The following CSMD1 variants were observed in gnomAD, a reference collection of about 807,000 sequenced individuals.
CSMD1 encodes the protein CUB and Sushi multiple domains 1, also known as CUB and sushi domain-containing protein 1.
CSMD1 carries 213 observed loss-of-function variants against 417.5 expected under a neutral mutation model. That is an observed-to-expected ratio of 0.51 (90% CI 0.46 to 0.57). The LOEUF is 0.57. Ranked by LOEUF, CSMD1 falls within the 20% of genes least tolerant of loss-of-function variation. CSMD1 has a pLI of 0.00. For synonymous variants in CSMD1, 2,862 were observed against 1,736.8 expected (o/e 1.65, Z -16.11); for missense variants, 6,923 against 4,529.7 (o/e 1.53, Z -15.17).
chr8:3,401,187 G>C (rs978254503), intron 15 of CSMD1, among the ~76,000 whole-genome samples: 4 of 151,794 alleles, frequency 2.6e-5, no homozygotes, highest in African/African-American at 4.8e-5. Context: ...ATATAAGAAA[G>C]ACATATGGCA....
intron 11 of CSMD1, 98 bp downstream of exon 11, chr8:3,493,525 C>T: frequency 9.9e-7 from 1 of 1,007,286 alleles, no homozygotes; most frequent in East Asian, 2.6e-5. Context: ...AAGCAAACAC[C>T]TGAGGCCGAA....
intron 3 of CSMD1, among the ~76,000 whole-genome samples, chr8:4,233,652 G>C (rs1034887172): frequency 1.3e-5 from 2 of 152,162 alleles, no homozygotes; most frequent in Non-Finnish European, 1.5e-5. Flanking sequence ...AGATCTGTGA[G>C]AAGCAAATTT....
intron 3 of CSMD1, among the ~76,000 whole-genome samples, chr8:4,389,664 C>T (rs1003681513): frequency 6.6e-6 from 1 of 152,106 alleles, no homozygotes; most frequent in African/African-American, 2.4e-5. Context: ...CTAAACTCCA[C>T]CTTTATTTTT....
At chr8:4,353,047 T>G (rs541177731) in intron 3 of CSMD1, among the ~76,000 whole-genome samples, 30 of 152,332 alleles carry the variant, frequency 2.0e-4, no homozygotes, top group Admixed American at 2.0e-3. Context: ...TATATTAGAT[T>G]GTAGAAAGAG....
At chr8:3,284,858 T>C (rs140977028) in intron 25 of CSMD1, among the ~76,000 whole-genome samples, 3 of 152,318 alleles carry the variant, frequency 2.0e-5, no homozygotes, top group East Asian at 3.9e-4. Context: ...TGTACTTCTT[T>C]CTAAAAATTA....
chr8:4,464,586 T>C (rs1160884409), intron 2 of CSMD1, among the ~76,000 whole-genome samples: 2 of 152,186 alleles, frequency 1.3e-5, no homozygotes, highest in African/African-American at 4.8e-5. Context: ...GGGTGGTTTC[T>C]ACTGAACGTG....
chr8:4,265,735 A>G lies in CSMD1; in HGVS notation c.415+154218T>C, dbSNP rs1460512569. Reference sequence around the variant, plus strand: ...TAGGAAACAGTTAATGCAACATAAAATGTTTGAAAACTTTAAATAGAGCAA... The same window carrying G: ...TAGGAAACAGTTAATGCAACATAAAGTGTTTGAAAACTTTAAATAGAGCAA... On this transcript the variant is annotated intron_variant, in intron 3 of 69. Transcript: ENST00000635120. Among the ~76,000 whole-genome samples, 2 of 104,864 alleles carry G rather than the reference A, an allele frequency of 1.9e-5. 1 individual carries two copies. The allele number at this position is 104,864 out of a possible 152,430, so 68.8% of individuals were successfully genotyped here. A position where few individuals can be genotyped will look rare whatever the true frequency, so the allele number is the denominator to read the frequency against.
At chr8:4,818,635 A>G (rs1027131552) in intron 1 of CSMD1, among the ~76,000 whole-genome samples, 1 of 152,300 alleles carries the variant, frequency 6.6e-6, no homozygotes. Flanking sequence ...TGCCAGTAAA[A>G]GGAAATAATA....
chr8:3,878,163 A>G (rs1416797716), intron 5 of CSMD1, among the ~76,000 whole-genome samples: 2 of 152,112 alleles, frequency 1.3e-5, no homozygotes, highest in African/African-American at 4.8e-5. Flanking sequence ...TTTTTGCACG[A>G]GAGATTCAAA....
chr8:3,138,909 G>C (rs1261113488), intron 41 of CSMD1, among the ~76,000 whole-genome samples: 1 of 152,158 alleles, frequency 6.6e-6, no homozygotes, highest in Admixed American at 6.5e-5. Context: ...TCTGCCTTTT[G>C]GAAAGAAGAG....
At chr8:3,558,955 G>A (rs77654368) in intron 10 of CSMD1, among the ~76,000 whole-genome samples, 1,834 of 152,258 alleles carry the variant, frequency 0.012, 42 homozygotes, top group African/African-American at 0.042. Flanking sequence ...AGCCCAGTAT[G>A]ACGGCAGAAT....
chr8:4,661,015 G>C (rs993317266), intron 1 of CSMD1, among the ~76,000 whole-genome samples: 2 of 152,134 alleles, frequency 1.3e-5, no homozygotes, highest in African/African-American at 4.8e-5. Context: ...ATACATTGCT[G>C]GTTGGAATGC....
intron 1 of CSMD1, among the ~76,000 whole-genome samples, chr8:4,893,259 A>G (rs1369951704): frequency 1.3e-5 from 2 of 152,064 alleles, no homozygotes; most frequent in East Asian, 1.9e-4. Flanking sequence ...TATTTTTCCA[A>G]TGTTTCTAAC....
At chr8:4,743,610 C>A (rs145840615) in intron 1 of CSMD1, among the ~76,000 whole-genome samples, 20 of 152,226 alleles carry the variant, frequency 1.3e-4, no homozygotes, top group Non-Finnish European at 2.5e-4. Flanking sequence ...TAGTCAAACG[C>A]TATTCAAATT....
intron 1 of CSMD1, among the ~76,000 whole-genome samples, chr8:4,945,034 A>G (rs1808276761): frequency 6.6e-6 from 1 of 152,170 alleles, no homozygotes; most frequent in South Asian, 2.1e-4. Flanking sequence ...GATAAGCAAA[A>G]GGTGGTCTCT....
At chr8:3,035,188 C>G (rs545956382) in intron 50 of CSMD1, among the ~76,000 whole-genome samples, 7 of 152,262 alleles carry the variant, frequency 4.6e-5, no homozygotes, top group Admixed American at 4.6e-4. Flanking sequence ...TTCCCTGTAC[C>G]TGCCAGCACT....
intron 1 of CSMD1, among the ~76,000 whole-genome samples, chr8:4,975,345 A>C (rs888975954): frequency 3.9e-5 from 6 of 152,228 alleles, no homozygotes; most frequent in African/African-American, 1.2e-4. Context: ...GCAATAAGAA[A>C]AGAAAAAGAA....
chr8:3,098,129 A>T (rs4875725), intron 46 of CSMD1, among the ~76,000 whole-genome samples: 146,485 of 152,318 alleles, frequency 0.96, 70,451 homozygotes, highest in Admixed American at 0.97. Context: ...ATTAAGGGAA[A>T]TTTTTTTCTA....
rs546991546 is a variant in CSMD1 at position 3,315,429 on chromosome 8, G to C, written c.3632-6926C>G. Among the ~76,000 whole-genome samples the C allele has an allele frequency of 3.3e-3, 256 of 77,086 alleles. 1 individual carries two copies. The highest frequency in any genetic ancestry group is 0.011 in the African/African-American group (242 of 21,316). 50.6% of individuals were successfully genotyped at this position (77,086 alleles called of 152,430 possible). A position where few individuals can be genotyped will look rare whatever the true frequency, so the allele number is the denominator to read the frequency against. ...TCTTTATTCAAGAATGAAATTCTAG[G>C]TGAAGTGAGTGTGTGTGTGTGTGTG... On this transcript the variant is annotated intron_variant, in intron 23 of 69. Coordinates refer to ENST00000635120, the MANE Select transcript of CSMD1 (RefSeq NM_033225.6).
Sources: allele counts gnomAD v4.1 joint callset (sites outside exome capture counted in the v4.1 genomes callset), GRCh38; gene constraint gnomAD v4.1.1; transcripts MANE v1.5; gene names NCBI Gene and HGNC (gene_info 2026-07-23, HGNC 2026-07-21).